Variants in TEX2 observed in about 807,000 individuals in gnomAD.
TEX2 encodes the protein testis-expressed protein 2.
Under a neutral mutation model 106.9 loss-of-function variants are expected in TEX2, and 53 were observed. That is an observed-to-expected ratio of 0.50 (90% CI 0.40 to 0.62). The LOEUF (loss-of-function observed/expected upper bound fraction) is 0.62. Ranked by LOEUF, TEX2 falls within the 20% of genes least tolerant of loss-of-function variation. The probability of loss-of-function intolerance (pLI) is 0.00; values close to 1 mark genes in which losing one functional copy is unlikely to be tolerated. For missense variants in TEX2, 1,207 were observed against 1,379.0 expected (o/e 0.88, Z 1.98); for synonymous variants, 523 against 534.8 (o/e 0.98, Z 0.30).
At chr17:64,188,943 T>C (rs1486567000) in intron 4 of TEX2, among the ~76,000 whole-genome samples, 1 of 152,148 alleles carries the variant, frequency 6.6e-6, no homozygotes, top group East Asian at 1.9e-4. Context: ...TAAAGAAATA[T>C]AGTTGGTAGG....
intron 7 of TEX2, among the ~76,000 whole-genome samples, chr17:64,163,798 A>G (rs1005245423): frequency 6.6e-6 from 1 of 152,228 alleles, no homozygotes; most frequent in Non-Finnish European, 1.5e-5. Flanking sequence ...CTGCCCCATG[A>G]GCACCATCTT....
intron 2 of TEX2, among the ~76,000 whole-genome samples, chr17:64,198,487 A>C (rs1555629661): frequency 6.6e-6 from 1 of 151,030 alleles, no homozygotes; most frequent in East Asian, 1.9e-4. Context: ...ACTCTATTAG[A>C]TCAAAACAGC....
intron 3 of TEX2, 140 bp downstream of exon 3, chr17:64,194,755 T>C: frequency 1.4e-6 from 1 of 707,764 alleles, no homozygotes; most frequent in Non-Finnish European, 2.4e-6. Context: ...AACTTTAAAG[T>C]GTGAGAGGTA....
At chr17:64,159,880 C>A (rs1042399228) in intron 8 of TEX2, among the ~76,000 whole-genome samples, 70 of 152,262 alleles carry the variant, frequency 4.6e-4, no homozygotes, top group African/African-American at 1.5e-3. Context: ...AAAGAATATT[C>A]TCCAATGCAT....
intron 7 of TEX2, among the ~76,000 whole-genome samples, chr17:64,168,921 A>G (rs1446377039): frequency 6.1e-5 from 1 of 16,446 alleles, no homozygotes; most frequent in African/African-American, 2.2e-4. Context: ...TTTTTTTTTG[A>G]GACAGATTCT....
chr17:64,154,775 G>A (rs1432633160), intron 9 of TEX2, 67 bp downstream of exon 9: 28 of 1,444,540 alleles, frequency 1.9e-5, no homozygotes, highest in African/African-American at 1.0e-4. Flanking sequence ...AGGGAAACAA[G>A]GTTCACTCCC....
intron 1 of TEX2, among the ~76,000 whole-genome samples, chr17:64,259,260 T>C (rs1555638203): frequency 6.6e-6 from 1 of 152,212 alleles, no homozygotes; most frequent in Non-Finnish European, 1.5e-5. Flanking sequence ...AGTCAAGGGC[T>C]TCTGAACTTT....
intron 1 of TEX2, among the ~76,000 whole-genome samples, chr17:64,223,356 G>A (rs1483699099): frequency 2.7e-5 from 2 of 73,990 alleles, no homozygotes; most frequent in African/African-American, 7.1e-5. Context: ...ACTGAATCTG[G>A]CTTTTTTTTT....
chr17:64,155,216 C>T, intron 8 of TEX2: 1 of 376,900 alleles, frequency 2.7e-6, no homozygotes, highest in Non-Finnish European at 4.7e-6. Flanking sequence ...GGCCTTGGAC[C>T]CAGAAGAGGT....
intron 6 of TEX2, among the ~76,000 whole-genome samples, chr17:64,173,200 T>C (rs1371885068): frequency 6.6e-6 from 1 of 152,222 alleles, no homozygotes; most frequent in Non-Finnish European, 1.5e-5. Context: ...TTTAGCTTTA[T>C]AATATATTTT....
intron 1 of TEX2, among the ~76,000 whole-genome samples, chr17:64,253,173 T>C (rs2034122941): frequency 6.6e-6 from 1 of 152,072 alleles, no homozygotes; most frequent in African/African-American, 2.4e-5. Context: ...AGACAGGGTC[T>C]CTGTCACCCA....
At chr17:64,152,897 C>T in intron 10 of TEX2, 48 bp downstream of exon 10, 2 of 1,563,702 alleles carry the variant, frequency 1.3e-6, no homozygotes, top group Non-Finnish European at 1.7e-6. Flanking sequence ...TTTCTGTGGC[C>T]ATGCAATAGG....
intron 6 of TEX2, among the ~76,000 whole-genome samples, chr17:64,176,773 A>G (rs1440510723): frequency 6.6e-6 from 1 of 152,238 alleles, no homozygotes; most frequent in Non-Finnish European, 1.5e-5. Flanking sequence ...TTAAAGTGCA[A>G]TGCTAACTTT....
chr17:64,196,412 G>C (rs1555629300), intron 2 of TEX2, among the ~76,000 whole-genome samples: 1 of 152,192 alleles, frequency 6.6e-6, no homozygotes, highest in Non-Finnish European at 1.5e-5. Context: ...ATGGGGGAAA[G>C]AGTGTGAAAC....
chr17:64,165,598 A>C (rs1183118092), intron 7 of TEX2, among the ~76,000 whole-genome samples: 2 of 152,206 alleles, frequency 1.3e-5, no homozygotes, highest in African/African-American at 4.8e-5. Flanking sequence ...CTCTTGAAGC[A>C]CGTGTGGCAG....
chr17:64,199,519 G>A (rs781448361), intron 2 of TEX2, among the ~76,000 whole-genome samples: 1 of 152,202 alleles, frequency 6.6e-6, no homozygotes, highest in African/African-American at 2.4e-5. Flanking sequence ...TTACAGGCGT[G>A]AGCCACTGCG....
intron 8 of TEX2, chr17:64,156,018 G>A (rs1327123372): frequency 1.3e-5 from 2 of 152,290 alleles, no homozygotes; most frequent in East Asian, 3.9e-4. Context: ...TTTTGACAAG[G>A]ACACAGTTAC....
chr17:64,241,716 C>A, intron 1 of TEX2, among the ~76,000 whole-genome samples: 1 of 152,138 alleles, frequency 6.6e-6, no homozygotes, highest in Non-Finnish European at 1.5e-5. Context: ...TCACTGCAGC[C>A]TCGAACTCCT....
At chr17:64,171,235 G>A in intron 6 of TEX2, 36 bp from the exon 7 acceptor site, 1 of 1,554,484 alleles carries the variant, frequency 6.4e-7, no homozygotes. Flanking sequence ...TGAGACCCAT[G>A]AGCAACCTAC....
Sources: gnomAD v4.1 joint callset for allele counts (sites outside exome capture counted in the v4.1 genomes callset) on GRCh38, gnomAD v4.1.1 for gene constraint, MANE v1.5 for transcripts, NCBI Gene and HGNC (gene_info 2026-07-23, HGNC 2026-07-21) for gene names.